The following CEMIP variants were observed in gnomAD, a reference collection of about 807,000 sequenced individuals.
CEMIP encodes cell migration-inducing and hyaluronan-binding protein.
A neutral mutation model predicts 156.9 loss-of-function variants in CEMIP; 105 were observed. The observed-to-expected ratio is 0.67, with a 90% confidence interval of 0.57 to 0.79. CEMIP has a LOEUF of 0.79. Ranked by LOEUF, CEMIP falls within the 30% of genes least tolerant of loss-of-function variation. The pLI, the probability that CEMIP is intolerant of heterozygous loss-of-function variation, is 0.00. For synonymous variants in CEMIP, 676 were observed against 668.4 expected (o/e 1.01, Z -0.17); for missense variants, 1,457 against 1,769.4 (o/e 0.82, Z 3.17).
At chr15:80,897,377 T>A (rs1261750407) in intron 12 of CEMIP, 4 of 455,836 alleles carry the variant, frequency 8.8e-6, no homozygotes, top group South Asian at 3.1e-5. Flanking sequence ...AGAACACTGA[T>A]GGAATTCAGT....
intron 1 of CEMIP, among the ~76,000 whole-genome samples, chr15:80,848,740 C>A (rs933766524): frequency 6.6e-6 from 1 of 152,118 alleles, no homozygotes; most frequent in Non-Finnish European, 1.5e-5. Flanking sequence ...GTTTCCCCAG[C>A]TTCTGAAAGT....
At chr15:80,919,574 G>C (rs937737158) in intron 14 of CEMIP, among the ~76,000 whole-genome samples, 1 of 152,062 alleles carries the variant, frequency 6.6e-6, no homozygotes, top group Non-Finnish European at 1.5e-5. Flanking sequence ...AGCACTTTGG[G>C]AGCCCAAGGC....
At chr15:80,924,749 G>A (rs1202270143) in intron 18 of CEMIP, 43 bp downstream of exon 18, 6 of 1,523,032 alleles carry the variant, frequency 3.9e-6, no homozygotes, top group Non-Finnish European at 5.5e-6. Flanking sequence ...TGACCTTGCA[G>A]TCCAGCTCCT....
chr15:80,869,722 C>T lies in CEMIP; in HGVS notation c.-175-3816C>T, dbSNP rs116695246. Among the ~76,000 whole-genome samples the T allele has an allele frequency of 1.3e-3, 203 of 152,314 alleles. 1 individual carries two copies. The highest frequency in any genetic ancestry group is 4.8e-3 in the African/African-American group (198 of 41,568). The stretch of plus-strand genomic sequence containing the variant: ...ATTCCTCTCTGTACCTCCCAAAGCT[C>T]CTACTCCAGAGACCAGTGATATATA... On this transcript the variant is annotated intron_variant, in intron 1 of 29. Coordinates refer to ENST00000394685, the MANE Select transcript of CEMIP (RefSeq NM_001293298.2).
intron 1 of CEMIP, among the ~76,000 whole-genome samples, chr15:80,840,659 G>A (rs1485403094): frequency 6.6e-6 from 1 of 152,182 alleles, no homozygotes; most frequent in Non-Finnish European, 1.5e-5. Context: ...GGTGTCCCTG[G>A]CCCGAGGCGT....
chr15:80,880,542 T>G (rs1447218623), intron 5 of CEMIP, among the ~76,000 whole-genome samples: 3 of 152,178 alleles, frequency 2.0e-5, no homozygotes, highest in Non-Finnish European at 4.4e-5. Flanking sequence ...TTTAAGCAAT[T>G]CTGGTGCCTC....
At chr15:80,862,609 C>CT (rs1260302217) in intron 1 of CEMIP, among the ~76,000 whole-genome samples, 6 of 152,222 alleles carry the variant, frequency 3.9e-5, no homozygotes, top group African/African-American at 1.4e-4. Flanking sequence ...AGATGGGCCA[C>CT]TTTCACTGTG....
intron 12 of CEMIP, chr15:80,897,191 A>C (rs1899261848): frequency 2.2e-6 from 1 of 448,692 alleles, no homozygotes; most frequent in African/African-American, 2.0e-5. Context: ...CACCTGGAGG[A>C]GTATTAGAAT....
intron 1 of CEMIP, among the ~76,000 whole-genome samples, chr15:80,865,645 C>T: frequency 6.7e-6 from 1 of 148,504 alleles, no homozygotes; most frequent in East Asian, 1.9e-4. Flanking sequence ...AAATTATGCA[C>T]AGCCCTTTTT....
chr15:80,783,715 C>T (rs1195922918), intron 1 of CEMIP, among the ~76,000 whole-genome samples: 2 of 152,186 alleles, frequency 1.3e-5, no homozygotes, highest in African/African-American at 4.8e-5. Flanking sequence ...GCTTTAGCTA[C>T]TTTCTTCAGG....
intron 13 of CEMIP, 103 bp from the exon 14 acceptor site, chr15:80,908,994 C>T: frequency 9.2e-7 from 1 of 1,091,530 alleles, no homozygotes; most frequent in Non-Finnish European, 1.4e-6. Context: ...TAAGTGGAGA[C>T]TGACAAAGAA....
At chr15:80,866,864 C>T (rs1277195189) in intron 1 of CEMIP, among the ~76,000 whole-genome samples, 3 of 151,412 alleles carry the variant, frequency 2.0e-5, no homozygotes, top group Admixed American at 2.0e-4. Context: ...TGATTTGAAG[C>T]GTTGCCTCAA....
At chr15:80,889,999 C>A (rs936651066) in intron 10 of CEMIP, among the ~76,000 whole-genome samples, 6 of 152,200 alleles carry the variant, frequency 3.9e-5, no homozygotes, top group Admixed American at 3.9e-4. Flanking sequence ...GCCTTGTTCT[C>A]AATTGAGCTA....
chr15:80,835,257 A>G (rs1344581004), intron 1 of CEMIP, among the ~76,000 whole-genome samples: 4 of 152,142 alleles, frequency 2.6e-5, no homozygotes, highest in Non-Finnish European at 4.4e-5. Context: ...AGTTCCCCCA[A>G]TTCACCATGC....
chr15:80,921,157 G>C (rs1236038023), intron 16 of CEMIP, 56 bp downstream of exon 16: 24 of 1,471,140 alleles, frequency 1.6e-5, no homozygotes, highest in Non-Finnish European at 2.3e-5. Flanking sequence ...TGGAGTCAGG[G>C]AGACAGCCGA....
chr15:80,853,493 G>C (rs762123482), intron 1 of CEMIP, among the ~76,000 whole-genome samples: 1 of 152,148 alleles, frequency 6.6e-6, no homozygotes, highest in Non-Finnish European at 1.5e-5. Flanking sequence ...TCACAGAGAG[G>C]GCTCTGGAAC....
chr15:80,927,354 C>T (rs1596198281), intron 19 of CEMIP, among the ~76,000 whole-genome samples: 1 of 152,138 alleles, frequency 6.6e-6, no homozygotes, highest in African/African-American at 2.4e-5. Flanking sequence ...GGATAAGCTG[C>T]CAGGCTCCTC....
At position 80,932,038 on chromosome 15, in the gene CEMIP, C is replaced by T. The variant is rs777511754; in HGVS notation, c.2792C>T (p.Pro931Leu). Reference protein sequence around the residue: ...NVTGIAFEDVPITSRVFFGEP... With the variant: ...NVTGIAFEDVLITSRVFFGEP... ...ACCGGCATTGCCTTTGAGGACGTTC[C>T]GGTGAGTGAGGCGCCAGGGCAGACT... Residue 931 changes from proline (P) to leucine (L), a missense_variant and splice_region_variant, in exon 22 of 30, where the codon CCG becomes CTG. Physicochemically the swap from Pro to Leu is moderately conservative, Grantham distance 98. Transcript: ENST00000394685. The surrounding 1 kb of genome is among the most constrained non-coding windows in gnomAD (Gnocchi z 4.5). The T allele has an allele frequency of 8.7e-6, 14 of 1,613,066 alleles. No homozygotes were observed. Among genetic ancestry groups the T allele is most frequent in the East Asian group, 2.2e-5 (1 of 44,886 alleles).
Position 80,873,636 on chromosome 15 carries a change from G to A in CEMIP, c.-77G>A, listed in dbSNP as rs1344968014. 45 of 529,306 alleles carry A rather than the reference G, an allele frequency of 8.5e-5. 2 individuals are homozygous for A. The highest frequency in any genetic ancestry group is 5.4e-4 in the East Asian group (16 of 29,876). The allele number at this position is 529,306 out of a possible 1,614,324, so 32.8% of individuals were successfully genotyped here. A position where few individuals can be genotyped will look rare whatever the true frequency, so the allele number is the denominator to read the frequency against. On this transcript the variant is annotated 5_prime_UTR_variant, in exon 2 of 30. Transcript: ENST00000394685. Reference sequence around the variant, plus strand: ...AGCTGCAGGACACAGGCAGGACAACGGTAGGATTTTCATGCCCCGATCTGC... The same window carrying A: ...AGCTGCAGGACACAGGCAGGACAACAGTAGGATTTTCATGCCCCGATCTGC...
Sources: allele counts gnomAD v4.1 joint callset (sites outside exome capture counted in the v4.1 genomes callset), GRCh38; gene constraint gnomAD v4.1.1; non-coding constraint Gnocchi (gnomAD v3.1); transcripts MANE v1.5; gene names NCBI Gene and HGNC (gene_info 2026-07-23, HGNC 2026-07-21).